NCKAP5: variants seen among roughly 807,000 people sequenced by gnomAD.
NCKAP5 encodes the protein NCK associated protein 5, also known as nck-associated protein 5.
A neutral mutation model predicts 167.0 loss-of-function variants in NCKAP5; 92 were observed. The observed-to-expected ratio is 0.55, with a 90% CI of 0.47 to 0.66. The LOEUF is 0.66. Ranked by LOEUF, NCKAP5 falls within the 30% of genes least tolerant of loss-of-function variation. NCKAP5 has a pLI of 0.00. For missense variants in NCKAP5, 2,378 were observed against 2,315.0 expected (o/e 1.03, Z -0.56); for synonymous variants, 891 against 877.4 (o/e 1.02, Z -0.27).
intron 3 of NCKAP5, among the ~76,000 whole-genome samples, chr2:133,343,087 T>A (rs1210141149): frequency 6.6e-6 from 1 of 152,196 alleles, no homozygotes; most frequent in Non-Finnish European, 1.5e-5. Flanking sequence ...AGGCAATGCA[T>A]CACAGATTGT....
At chr2:133,461,279 T>C (rs943858014) in intron 3 of NCKAP5, among the ~76,000 whole-genome samples, 1 of 152,214 alleles carries the variant, frequency 6.6e-6, no homozygotes, top group Non-Finnish European at 1.5e-5. Flanking sequence ...TTATGAGTTA[T>C]ATAAGTTAAA....
chr2:133,534,201 A>C (rs1346266995), intron 2 of NCKAP5, among the ~76,000 whole-genome samples: 1 of 152,146 alleles, frequency 6.6e-6, no homozygotes, highest in Non-Finnish European at 1.5e-5. Flanking sequence ...CAATTTCTTA[A>C]CCTCACATAT....
chr2:133,383,268 A>G (rs1336020709), intron 3 of NCKAP5, among the ~76,000 whole-genome samples: 2 of 152,040 alleles, frequency 1.3e-5, no homozygotes, highest in Non-Finnish European at 2.9e-5. Flanking sequence ...TCCTGTATCC[A>G]AGTGTTCTCA....
chr2:133,309,947 C>A (rs1681112083), intron 3 of NCKAP5, among the ~76,000 whole-genome samples: 1 of 152,160 alleles, frequency 6.6e-6, no homozygotes, highest in Non-Finnish European at 1.5e-5. Context: ...ATCCTGCCAG[C>A]AATTTTGTGA....
chr2:133,658,000 A>G, the NCKAP5 span, among the ~76,000 whole-genome samples: 1 of 152,214 alleles, frequency 6.6e-6, no homozygotes, highest in Non-Finnish European at 1.5e-5. Flanking sequence ...TGAAGAGTTC[A>G]AGATAAAGGG....
chr2:133,238,082 C>G (rs2087505143), intron 4 of NCKAP5, among the ~76,000 whole-genome samples: 2 of 152,190 alleles, frequency 1.3e-5, no homozygotes, highest in Admixed American at 6.5e-5. Context: ...CATCACTTGA[C>G]TAAGCCAGAG....
At chr2:133,055,231 T>C (rs981120449) in intron 6 of NCKAP5, among the ~76,000 whole-genome samples, 1 of 151,938 alleles carries the variant, frequency 6.6e-6, no homozygotes, top group Non-Finnish European at 1.5e-5. Flanking sequence ...AAAGGAAATC[T>C]GAGTGAATCA....
intron 10 of NCKAP5, among the ~76,000 whole-genome samples, chr2:132,863,381 A>G (rs1690087720): frequency 6.6e-6 from 1 of 151,912 alleles, no homozygotes; most frequent in Admixed American, 6.6e-5. Flanking sequence ...AGGGGACCTG[A>G]AAGCAATAGT....
chr2:133,322,540 T>C (rs1367744866), intron 3 of NCKAP5, among the ~76,000 whole-genome samples: 3 of 152,230 alleles, frequency 2.0e-5, no homozygotes, highest in African/African-American at 7.2e-5. Flanking sequence ...CCTGGGCTCA[T>C]AGAGTTCAAG....
the NCKAP5 span, among the ~76,000 whole-genome samples, chr2:133,582,523 A>T: frequency 6.6e-6 from 1 of 152,104 alleles, no homozygotes; most frequent in Non-Finnish European, 1.5e-5. Flanking sequence ...CCCTGCTTCT[A>T]TACAATTTTA....
At chr2:133,476,510 A>G (rs75314104) in intron 3 of NCKAP5, among the ~76,000 whole-genome samples, 3,987 of 152,250 alleles carry the variant, frequency 0.026, 66 homozygotes, top group Non-Finnish European at 0.038. Context: ...GGCCCTTATC[A>G]TTGATGGATA....
chr2:133,443,523 C>T (rs1192883143), intron 3 of NCKAP5, among the ~76,000 whole-genome samples: 3 of 152,138 alleles, frequency 2.0e-5, no homozygotes, highest in South Asian at 4.1e-4. Context: ...GGGAAGGGCC[C>T]TCCTTTCTTG....
At chr2:133,613,212 T>C in the NCKAP5 span, among the ~76,000 whole-genome samples, 1 of 152,200 alleles carries the variant, frequency 6.6e-6, no homozygotes, top group Non-Finnish European at 1.5e-5. Context: ...CCTATGGCCA[T>C]TGATAGAATT....
chr2:133,309,138 G>T (rs1681049548), intron 3 of NCKAP5, among the ~76,000 whole-genome samples: 1 of 152,016 alleles, frequency 6.6e-6, no homozygotes. Context: ...ATATATGAAA[G>T]ATTAAAAGTA....
At chr2:133,611,569 A>C in the NCKAP5 span, among the ~76,000 whole-genome samples, 7 of 152,120 alleles carry the variant, frequency 4.6e-5, no homozygotes, top group Non-Finnish European at 8.8e-5. Flanking sequence ...TTTTTGGTCT[A>C]TTTTTTAATC....
rs75563063 is a variant in NCKAP5 at position 132,837,481 on chromosome 2, C to T, written c.807+23011G>A. On this transcript the variant is annotated intron_variant, in intron 11 of 19. Transcript: ENST00000409261. ...ACTTTACCTTCCAGCCCTTCTACTG[C>T]GTCTTTTTCATTGTGGTTATCATAT... 4.1e-3 allele frequency among the ~76,000 whole-genome samples: 625 copies of T among 152,152 alleles called. 2 individuals are homozygous for T. Among genetic ancestry groups the T allele is most frequent in the African/African-American group, 0.014 (600 of 41,510 alleles).
At chr2:132,800,566 C>T (rs926473879) in intron 11 of NCKAP5, among the ~76,000 whole-genome samples, 1 of 152,164 alleles carries the variant, frequency 6.6e-6, no homozygotes, top group Admixed American at 6.5e-5. Flanking sequence ...CAGTCTAACC[C>T]TCCCTGTCAG....
chr2:133,205,740 C>G (rs1194532262), intron 5 of NCKAP5, among the ~76,000 whole-genome samples: 1 of 151,828 alleles, frequency 6.6e-6, no homozygotes, highest in Non-Finnish European at 1.5e-5. Context: ...TTCCATCTTC[C>G]CTTCCATGAA....
rs1476362208 is a variant in NCKAP5 at position 132,703,521 on chromosome 2, G to T, written c.5713+22106C>A. On this transcript the variant is annotated intron_variant, in intron 19 of 19. Transcript: ENST00000409261. The stretch of plus-strand genomic sequence containing the variant: ...ATTCATCCCCAGTGGATGAAGATTT[G>T]CTCCCTTTAAGGGAACATGAATATC... Among the ~76,000 whole-genome samples, 3 of 152,272 alleles carry T rather than the reference G, an allele frequency of 2.0e-5. 1 individual carries two copies. The South Asian group carries it at 6.2e-4, about 32-fold the overall frequency.
Sources: allele counts gnomAD v4.1 joint callset (sites outside exome capture counted in the v4.1 genomes callset), GRCh38; gene constraint gnomAD v4.1.1; transcripts MANE v1.5; gene names NCBI Gene and HGNC (gene_info 2026-07-23, HGNC 2026-07-21).